PRKCA: variants seen among roughly 807,000 people sequenced by gnomAD.
The protein encoded by PRKCA is protein kinase C alpha.
A neutral mutation model predicts 87.0 loss-of-function variants in PRKCA; 27 were observed. The observed-to-expected ratio is 0.31, with a 90% CI of 0.23 to 0.43. The LOEUF (loss-of-function observed/expected upper bound fraction) is 0.43. PRKCA is among the 20% of genes least tolerant of loss of function. The pLI, the probability that PRKCA is intolerant of heterozygous loss-of-function variation, is 1.00. For missense variants in PRKCA, 518 were observed against 852.3 expected (o/e 0.61, Z 4.88); for synonymous variants, 329 against 311.1 (o/e 1.06, Z -0.61).
intron 3 of PRKCA, among the ~76,000 whole-genome samples, chr17:66,578,170 T>C (rs913967088): frequency 6.6e-6 from 1 of 151,692 alleles, no homozygotes; most frequent in South Asian, 2.1e-4. Flanking sequence ...CAGCCCTCAT[T>C]GTCTCCCTTT....
intron 2 of PRKCA, among the ~76,000 whole-genome samples, chr17:66,384,383 C>G (rs928259413): frequency 6.6e-6 from 1 of 152,112 alleles, no homozygotes; most frequent in Non-Finnish European, 1.5e-5. Context: ...TTTGGAAACT[C>G]ATTAAAACCA....
chr17:66,405,309 T>C (rs1911303359), intron 2 of PRKCA, among the ~76,000 whole-genome samples: 1 of 152,222 alleles, frequency 6.6e-6, no homozygotes, highest in Non-Finnish European at 1.5e-5. Flanking sequence ...ACCCAGAGTT[T>C]TCTGCTCACT....
At chr17:66,698,819 CAAA>C (rs59309576) in intron 8 of PRKCA, among the ~76,000 whole-genome samples, 20 of 102,768 alleles carry the variant, frequency 1.9e-4, no homozygotes, top group Admixed American at 5.1e-4. Flanking sequence ...ACTAAAAATA[CAAA>C]AAAAAAAAAA....
At chr17:66,478,961 A>G (rs1396136516) in intron 2 of PRKCA, among the ~76,000 whole-genome samples, 1 of 152,246 alleles carries the variant, frequency 6.6e-6, no homozygotes, top group Non-Finnish European at 1.5e-5. Context: ...GGACATAGGC[A>G]TGGGCAAAGA....
intron 3 of PRKCA, among the ~76,000 whole-genome samples, chr17:66,609,060 T>C (rs1970283216): frequency 6.6e-6 from 1 of 152,186 alleles, no homozygotes; most frequent in Admixed American, 6.5e-5. Context: ...TTCTGCCCCA[T>C]AGGCCTAAGC....
At chr17:66,767,947 C>G (rs757100280) in intron 13 of PRKCA, among the ~76,000 whole-genome samples, 1 of 152,062 alleles carries the variant, frequency 6.6e-6, no homozygotes, top group Non-Finnish European at 1.5e-5. Flanking sequence ...TAAGCGTCTT[C>G]CCACTGACTT....
chr17:66,321,823 G>A (rs1905687296), intron 2 of PRKCA, among the ~76,000 whole-genome samples: 1 of 151,982 alleles, frequency 6.6e-6, no homozygotes, highest in Non-Finnish European at 1.5e-5. Flanking sequence ...GGATTACAGG[G>A]TGTTAGCTAA....
chr17:66,309,834 G>A (rs762495310), intron 2 of PRKCA, among the ~76,000 whole-genome samples: 19 of 152,166 alleles, frequency 1.2e-4, no homozygotes, highest in Admixed American at 2.0e-4. Flanking sequence ...AAGACAGGAA[G>A]TAGATTTGTG....
chr17:66,739,618 A>T (rs1974112094), intron 11 of PRKCA, among the ~76,000 whole-genome samples: 1 of 152,194 alleles, frequency 6.6e-6, no homozygotes, highest in African/African-American at 2.4e-5. Flanking sequence ...AATCGGGGAG[A>T]GGGAAGTGCA....
intron 2 of PRKCA, among the ~76,000 whole-genome samples, chr17:66,460,002 A>G (rs768287582): frequency 6.6e-6 from 1 of 152,112 alleles, no homozygotes; most frequent in East Asian, 1.9e-4. Context: ...CATCCCGCTC[A>G]CTGGATGCAA....
intron 3 of PRKCA, among the ~76,000 whole-genome samples, chr17:66,603,116 C>T (rs1445456191): frequency 6.6e-6 from 1 of 152,184 alleles, no homozygotes; most frequent in African/African-American, 2.4e-5. Context: ...CATCCAGCGT[C>T]CTCCTCCTTC....
chr17:66,738,178 TG>T (rs760838649), intron 10 of PRKCA, among the ~76,000 whole-genome samples: 3 of 152,242 alleles, frequency 2.0e-5, no homozygotes, highest in Non-Finnish European at 4.4e-5. Flanking sequence ...AAACAGTGTT[TG>T]GGCATATTAC....
chr17:66,343,933 G>A (rs1485565326), intron 2 of PRKCA, among the ~76,000 whole-genome samples: 1 of 152,036 alleles, frequency 6.6e-6, no homozygotes, highest in Non-Finnish European at 1.5e-5. Context: ...TTTTCAGTGA[G>A]GGCTCATGAG....
chr17:66,384,927 GCTGA>G (rs1387239553), intron 2 of PRKCA, among the ~76,000 whole-genome samples: 1 of 152,168 alleles, frequency 6.6e-6, no homozygotes, highest in Non-Finnish European at 1.5e-5. Context: ...ACTGCACCTG[GCTGA>G]CTGTTTTAAT....
At chr17:66,744,364 G>T (rs375229270) in intron 13 of PRKCA, among the ~76,000 whole-genome samples, 2 of 152,204 alleles carry the variant, frequency 1.3e-5, no homozygotes, top group Non-Finnish European at 2.9e-5. Context: ...TAAATGACAG[G>T]TATTAAGCAG....
intron 3 of PRKCA, among the ~76,000 whole-genome samples, chr17:66,525,599 A>G (rs1332235929): frequency 6.6e-6 from 1 of 152,214 alleles, no homozygotes; most frequent in Non-Finnish European, 1.5e-5. Context: ...GACCTGCTTC[A>G]GATGGATGTA....
At chr17:66,800,869 T>C (rs1975883957) in intron 16 of PRKCA, among the ~76,000 whole-genome samples, 1 of 152,310 alleles carries the variant, frequency 6.6e-6, no homozygotes, top group Admixed American at 6.5e-5. Flanking sequence ...TTTTATTAGA[T>C]TTTTTCCAGA....
intron 14 of PRKCA, 177 bp downstream of exon 14, chr17:66,774,244 G>A: frequency 2.8e-6 from 4 of 1,452,972 alleles, no homozygotes; most frequent in Non-Finnish European, 3.6e-6. Context: ...CGTTCAGTAT[G>A]CACAGAAATT....
At chr17:66,392,664 C>A (rs917333125) in intron 2 of PRKCA, among the ~76,000 whole-genome samples, 1 of 152,122 alleles carries the variant, frequency 6.6e-6, no homozygotes, top group East Asian at 1.9e-4. Flanking sequence ...GCTGCATCCG[C>A]CTTGCTGTGC....
Sources: gnomAD v4.1 joint callset for allele counts (sites outside exome capture counted in the v4.1 genomes callset) on GRCh38, gnomAD v4.1.1 for gene constraint, MANE v1.5 for transcripts, NCBI Gene and HGNC (gene_info 2026-07-23, HGNC 2026-07-21) for gene names.